Variants in PTPRD observed in about 807,000 individuals in gnomAD.
PTPRD encodes receptor-type tyrosine-protein phosphatase delta.
PTPRD carries 34 observed loss-of-function variants against 214.5 expected under a neutral mutation model. The observed-to-expected ratio is 0.16, with a 90% CI of 0.12 to 0.21. The LOEUF (loss-of-function observed/expected upper bound fraction) is 0.21, where lower values mean the gene tolerates loss of function less well. Among genes scored for constraint, PTPRD ranks in the 10% least tolerant of loss-of-function variants. PTPRD has a pLI of 1.00. For synonymous variants in PTPRD, 1,128 were observed against 845.7 expected, an observed-to-expected ratio of 1.33 and a Z score of -5.79; for missense variants, 2,545 against 2,398.7, an observed-to-expected ratio of 1.06 and a Z score of -1.27.
rs369728132 is a variant in PTPRD, at chr9:10,263,945, G to C, written c.-545+77018C>G. Among the ~76,000 whole-genome samples, 6 of 152,248 alleles carry C rather than the reference G, an allele frequency of 3.9e-5. No homozygotes were observed. The East Asian group carries it at 5.8e-4, about 15-fold the overall frequency. On this transcript the variant is annotated intron_variant, in intron 3 of 45. Coordinates refer to ENST00000381196, the MANE Select transcript of PTPRD (RefSeq NM_002839.4). Reference sequence around the variant, plus strand: ...CTGCATCTCAAAGGCTCCATCCATGGCGAAAATGGGCCAAGGTACAGCTCA... The same window carrying C: ...CTGCATCTCAAAGGCTCCATCCATGCCGAAAATGGGCCAAGGTACAGCTCA...
intron 6 of PTPRD, among the ~76,000 whole-genome samples, chr9:9,762,616 C>A (rs1466395580): frequency 6.6e-6 from 1 of 152,152 alleles, no homozygotes; most frequent in East Asian, 1.9e-4. Context: ...ACTATTCAGC[C>A]AAGTTCTTTG....
chr9:8,483,670 T>C (rs1044432736), intron 30 of PTPRD, among the ~76,000 whole-genome samples: 6 of 152,194 alleles, frequency 3.9e-5, no homozygotes, highest in Non-Finnish European at 8.8e-5. Context: ...TCCCAGCTAC[T>C]TGTGACGCTG....
intron 11 of PTPRD, among the ~76,000 whole-genome samples, chr9:8,957,641 C>G (rs1035605462): frequency 6.6e-6 from 1 of 151,866 alleles, no homozygotes; most frequent in African/African-American, 2.4e-5. Context: ...ATTGTAAGCT[C>G]TTCAAAGACA....
chr9:9,480,997 T>C (rs1052631340), intron 8 of PTPRD, among the ~76,000 whole-genome samples: 3 of 152,130 alleles, frequency 2.0e-5, no homozygotes, highest in African/African-American at 7.2e-5. Flanking sequence ...ACGTTATCTG[T>C]TGAAGACATG....
At chr9:8,680,573 TAC>T (rs2097531778) in intron 12 of PTPRD, among the ~76,000 whole-genome samples, 1 of 152,182 alleles carries the variant, frequency 6.6e-6, no homozygotes, top group East Asian at 1.9e-4. Context: ...TGAGTATATA[TAC>T]ACACAAACAT....
At chr9:9,478,385 G>C (rs969781340) in intron 8 of PTPRD, among the ~76,000 whole-genome samples, 6 of 152,090 alleles carry the variant, frequency 3.9e-5, no homozygotes, top group Admixed American at 2.6e-4. Context: ...AATAACAATA[G>C]TAAAAATAAA....
intron 10 of PTPRD, among the ~76,000 whole-genome samples, chr9:9,110,571 C>G (rs1049463901): frequency 6.6e-6 from 1 of 152,094 alleles, no homozygotes; most frequent in Non-Finnish European, 1.5e-5. Flanking sequence ...AATATTTCCT[C>G]CTTAAGACCA....
At position 8,591,548 on chromosome 9, in the gene PTPRD, T is replaced by C. The variant is rs147139184; in HGVS notation, c.352+41769A>G. Among the ~76,000 whole-genome samples, 10 of 152,296 alleles carry C rather than the reference T, an allele frequency of 6.6e-5. No individual in the cohort carries two copies. In the East Asian group the frequency reaches 1.7e-3, roughly 26 times the overall value. The stretch of plus-strand genomic sequence containing the variant: ...GCAATCAAAATCAAACAGAATAATT[T>C]ATGAAAAATGGAAGCAAGAGGAGAA... On this transcript the variant is annotated intron_variant, in intron 14 of 45. Transcript: ENST00000381196.
intron 2 of PTPRD, among the ~76,000 whole-genome samples, chr9:10,366,795 T>C (rs2097525413): frequency 6.6e-6 from 1 of 152,092 alleles, no homozygotes; most frequent in South Asian, 2.1e-4. Flanking sequence ...CATACATACG[T>C]GCACTAAAAA....
intron 4 of PTPRD, among the ~76,000 whole-genome samples, chr9:9,967,026 A>G (rs1366525653): frequency 6.6e-6 from 1 of 152,154 alleles, no homozygotes; most frequent in Non-Finnish European, 1.5e-5. Context: ...GGAGATAGCA[A>G]TGACAGGATC....
At position 8,526,759 on chromosome 9, in the gene PTPRD, C is replaced by G; in HGVS notation, c.551-115G>C. ...TTAGATTTACAGAATTAAATAAGGT[C>G]TTAAAAGAAACTTGAATTACTATAT... On this transcript the variant is annotated intron_variant, in intron 16 of 45. Coordinates refer to ENST00000381196, the MANE Select transcript of PTPRD (RefSeq NM_002839.4). 4 of 778,756 alleles carry G rather than the reference C, an allele frequency of 5.1e-6. No homozygotes were observed. The South Asian group carries it at 1.1e-4, about 21-fold the overall frequency. The allele number at this position is 778,756 out of a possible 1,614,324, so 48.2% of individuals were successfully genotyped here.
chr9:9,303,693 G>C (rs1956221772), intron 9 of PTPRD, among the ~76,000 whole-genome samples: 1 of 152,008 alleles, frequency 6.6e-6, no homozygotes, highest in South Asian at 2.1e-4. Context: ...TGGAAATTTG[G>C]AAGTGCACAT....
intron 8 of PTPRD, among the ~76,000 whole-genome samples, chr9:9,400,905 C>T (rs2070143291): frequency 6.6e-6 from 1 of 151,970 alleles, no homozygotes; most frequent in South Asian, 2.1e-4. Flanking sequence ...CATATTCGAC[C>T]ATTTAATTCT....
chr9:9,717,943 A>G (rs577709901), intron 7 of PTPRD, among the ~76,000 whole-genome samples: 3 of 152,126 alleles, frequency 2.0e-5, no homozygotes, highest in Admixed American at 6.5e-5. Flanking sequence ...AAAAAAATCC[A>G]TTTTGTCTTT....
In PTPRD at chr9:10,047,312, C is replaced by CGTGTGTGTGTGTGTG. The variant is rs1316571345; in HGVS notation, c.-544-13523_-544-13522insCACACACACACACAC. The stretch of plus-strand genomic sequence containing the variant: ...GTAAAATGAAGATAAAATCAACTAA[C>CGTGTGTGTGTGTGTG]TGTGTGTGTGTGTGTGTGTGTGTGT... On this transcript the variant is annotated intron_variant, in intron 3 of 45. Coordinates refer to ENST00000381196, the MANE Select transcript of PTPRD (RefSeq NM_002839.4). Among the ~76,000 whole-genome samples, 1,179 of 138,764 alleles carry CGTGTGTGTGTGTGTG rather than the reference C, an allele frequency of 8.5e-3. 15 individuals are homozygous for CGTGTGTGTGTGTGTG. Among genetic ancestry groups the CGTGTGTGTGTGTGTG allele is most frequent in the East Asian group, 0.058 (252 of 4,338 alleles). 91.0% of individuals were successfully genotyped at this position (138,764 alleles called of 152,430 possible). A position where few individuals can be genotyped will look rare whatever the true frequency, so the allele number is the denominator to read the frequency against.
chr9:9,733,851 A>T (rs1038968228), intron 7 of PTPRD, among the ~76,000 whole-genome samples: 1 of 152,164 alleles, frequency 6.6e-6, no homozygotes, highest in Non-Finnish European at 1.5e-5. Context: ...CAATGTATGA[A>T]TGTGATAGTG....
At chr9:10,179,001 T>A (rs958054115) in intron 3 of PTPRD, among the ~76,000 whole-genome samples, 1 of 151,918 alleles carries the variant, frequency 6.6e-6, no homozygotes, top group East Asian at 1.9e-4. Flanking sequence ...TGAAATATGA[T>A]AAAATAGTTC....
chr9:8,510,785 C>G (rs999343275), intron 21 of PTPRD, among the ~76,000 whole-genome samples: 1 of 152,020 alleles, frequency 6.6e-6, no homozygotes, highest in Non-Finnish European at 1.5e-5. Flanking sequence ...AACCATGAAG[C>G]TGAGGACACA....
chr9:8,983,388 T>A (rs1175704376), intron 11 of PTPRD, among the ~76,000 whole-genome samples: 1 of 152,102 alleles, frequency 6.6e-6, no homozygotes, highest in Non-Finnish European at 1.5e-5. Flanking sequence ...TTTTCCACCC[T>A]TACCTCTTAT....
Sources: gnomAD v4.1 joint callset for allele counts (sites outside exome capture counted in the v4.1 genomes callset) on GRCh38, gnomAD v4.1.1 for gene constraint, MANE v1.5 for transcripts, NCBI Gene and HGNC (gene_info 2026-07-23, HGNC 2026-07-21) for gene names.